The following SPICE1 variants were observed in gnomAD, a reference collection of about 807,000 sequenced individuals.
SPICE1 encodes the protein spindle and centriole associated protein 1.
A neutral mutation model predicts 102.7 loss-of-function variants in SPICE1; 75 were observed. The observed-to-expected ratio is 0.73, with a 90% confidence interval of 0.61 to 0.88. The LOEUF (loss-of-function observed/expected upper bound fraction) is 0.88. Among genes scored for constraint, SPICE1 ranks in the 40% least tolerant of loss-of-function variants. The probability of loss-of-function intolerance (pLI) is 0.00; values close to 1 mark genes in which losing one functional copy is unlikely to be tolerated. For missense variants in SPICE1, 979 were observed against 1,020.1 expected, an observed-to-expected ratio of 0.96 and a Z score of 0.55; for synonymous variants, 308 against 350.3, an observed-to-expected ratio of 0.88 and a Z score of 1.35.
At chr3:113,456,452 T>A (rs1028281148) in intron 13 of SPICE1, among the ~76,000 whole-genome samples, 2 of 152,032 alleles carry the variant, frequency 1.3e-5, no homozygotes, top group Non-Finnish European at 2.9e-5. Flanking sequence ...ATAAAAACAA[T>A]AGCTCCAGAA....
intron 11 of SPICE1, 114 bp downstream of exon 11, chr3:113,465,539 A>C: frequency 1.2e-6 from 1 of 836,596 alleles, no homozygotes; most frequent in South Asian, 2.0e-5. Context: ...AAAATGACTG[A>C]TAAGTAATCA....
chr3:113,478,704 A>G (rs1936420076), intron 7 of SPICE1, among the ~76,000 whole-genome samples: 1 of 152,198 alleles, frequency 6.6e-6, no homozygotes, highest in African/African-American at 2.4e-5. Flanking sequence ...GGCAAAAATA[A>G]GTAAGGATAC....
intron 12 of SPICE1, chr3:113,459,457 A>C (rs2107454015): frequency 1.0e-6 from 1 of 963,786 alleles, no homozygotes; most frequent in Non-Finnish European, 1.2e-6. Flanking sequence ...AAAACAAAAC[A>C]AAAAAAAACA....
At chr3:113,446,931 T>A (rs1326779460) in intron 16 of SPICE1, among the ~76,000 whole-genome samples, 1 of 152,154 alleles carries the variant, frequency 6.6e-6, no homozygotes, top group East Asian at 1.9e-4. Context: ...AATTCGCCCA[T>A]GTTGTGGGAG....
At position 113,499,549 on chromosome 3, in the gene SPICE1, T is replaced by C. The variant is rs139283931; in HGVS notation, c.181A>G (p.Arg61Gly). 127 of 1,611,738 alleles carry C rather than the reference T, an allele frequency of 7.9e-5. 2 individuals are homozygous for C. Among genetic ancestry groups the C allele is most frequent in the East Asian group, 3.3e-4 (15 of 44,812 alleles). ...TGGAGTTCCCAGTGTACTAATGCTCTATTCTTCGATTTGTGTATTTCATGA... is the reference window on the plus strand; with the variant it reads ...TGGAGTTCCCAGTGTACTAATGCTCCATTCTTCGATTTGTGTATTTCATGA... ...RRHEIHKSKN[R>G]ALVHWELQEK... is the part of the protein sequence containing the mutation. Residue 61 changes from arginine (R) to glycine (G), a missense_variant, in exon 4 of 18, where the codon AGA becomes GGA. Arg to Gly is a moderately radical substitution (Grantham distance 125). Transcript: ENST00000295872.
chr3:113,494,175 C>A (rs996207022), intron 4 of SPICE1, 33 bp from the exon 5 acceptor site: 5 of 1,405,834 alleles, frequency 3.6e-6, no homozygotes, highest in Non-Finnish European at 5.0e-6. Context: ...TATTATTATT[C>A]AGATTATATT....
intron 12 of SPICE1, among the ~76,000 whole-genome samples, chr3:113,459,140 T>C (rs752098607): frequency 1.3e-4 from 20 of 152,122 alleles, no homozygotes; most frequent in Non-Finnish European, 7.4e-5. Flanking sequence ...CTCTCTGAAA[T>C]ACGTGCTGTG....
intron 12 of SPICE1, 48 bp downstream of exon 12, chr3:113,460,569 G>A (rs775972657): frequency 6.4e-7 from 1 of 1,551,386 alleles, no homozygotes; most frequent in Non-Finnish European, 8.7e-7. Context: ...GTTATCTAAG[G>A]CCATTAAGTA....
At chr3:113,461,950 C>T (rs1201093177) in intron 11 of SPICE1, among the ~76,000 whole-genome samples, 1 of 152,140 alleles carries the variant, frequency 6.6e-6, no homozygotes, top group East Asian at 1.9e-4. Context: ...CTGAAATAGA[C>T]TTCTCAAACT....
chr3:113,460,227 A>G (rs16861014), intron 12 of SPICE1: 37,012 of 985,076 alleles, frequency 0.038, 789 homozygotes, highest in East Asian at 0.11. Flanking sequence ...TCTCTTCTAA[A>G]TCTAGAGCAC....
chr3:113,474,645 C>T (rs976552051), intron 7 of SPICE1, among the ~76,000 whole-genome samples: 5 of 152,044 alleles, frequency 3.3e-5, no homozygotes, highest in African/African-American at 4.8e-5. Context: ...CACTCAAAAC[C>T]GCTCAACTAC....
chr3:113,461,723 G>A (rs1935937864), intron 11 of SPICE1, among the ~76,000 whole-genome samples: 1 of 152,186 alleles, frequency 6.6e-6, no homozygotes, highest in Admixed American at 6.5e-5. Context: ...AAAGATGGCA[G>A]CTAGTAACAA....
Position 113,458,676 on chromosome 3 carries a change from G to A in SPICE1, c.1436-1319C>T, listed in dbSNP as rs1482180000. On this transcript the variant is annotated intron_variant, in intron 12 of 17. Transcript: ENST00000295872. ...GAGCGTCTCTGCCTGGCCGCCCGTC[G>A]TCTGGGATGTAAGGAGCCCCTCTGC... 1.2e-4 allele frequency among the ~76,000 whole-genome samples: 18 copies of A among 150,692 alleles called. No homozygotes were observed. In the South Asian group the frequency reaches 1.7e-3, roughly 14 times the overall value.
chr3:113,503,323 A>T (rs1937045620), intron 2 of SPICE1, 96 bp from the exon 3 acceptor site: 1 of 1,203,396 alleles, frequency 8.3e-7, no homozygotes, highest in Non-Finnish European at 1.1e-6. Context: ...TGGTTTCAAA[A>T]TCCTAGGACC....
Position 113,457,178 on chromosome 3 carries a change from G to T in SPICE1, c.1615C>A (p.Pro539Thr), listed in dbSNP as rs374113373. ...IFEPAVLLTP[P>T]RQKSNLKFSP... The stretch of plus-strand genomic sequence containing the variant: ...AATTTTAAGTTGCTCTTCTGCCTGG[G>T]TGGTGTTAACAACACAGCTGGCTCA... Residue 539 changes from proline (P) to threonine (T), a missense_variant, in exon 13 of 18, where the codon CCC becomes ACC. Physicochemically the swap from Pro to Thr is conservative, Grantham distance 38. Transcript: ENST00000295872. 2 of 1,614,162 alleles carry T rather than the reference G, an allele frequency of 1.2e-6. No individual in the cohort carries two copies. Among genetic ancestry groups the T allele is most frequent in the African/African-American group, 2.7e-5 (2 of 75,040 alleles).
chr3:113,476,626 C>A (rs1185182110), intron 7 of SPICE1, among the ~76,000 whole-genome samples: 3 of 147,826 alleles, frequency 2.0e-5, no homozygotes, highest in Non-Finnish European at 4.5e-5. Context: ...TCAGAAATAA[C>A]GCCGCATATC....
chr3:113,474,382 G>A (rs753003881), intron 7 of SPICE1, among the ~76,000 whole-genome samples: 1 of 152,132 alleles, frequency 6.6e-6, no homozygotes, highest in Non-Finnish European at 1.5e-5. Context: ...AGATCAATGA[G>A]ATAGAAAGTC....
intron 4 of SPICE1, among the ~76,000 whole-genome samples, chr3:113,497,894 G>A (rs1441520120): frequency 2.1e-5 from 3 of 139,784 alleles, no homozygotes; most frequent in Non-Finnish European, 4.6e-5. Context: ...TTTTTTTTTT[G>A]GTTTTGCTGT....
At position 113,480,515 on chromosome 3, in the gene SPICE1, C is replaced by T. The variant is rs572290317; in HGVS notation, c.611+8430G>A. Among the ~76,000 whole-genome samples the T allele has an allele frequency of 4.6e-5, 7 of 152,020 alleles. No homozygotes were observed. The South Asian group carries it at 1.5e-3, about 32-fold the overall frequency. On this transcript the variant is annotated intron_variant, in intron 7 of 17. Transcript: ENST00000295872. The stretch of plus-strand genomic sequence containing the variant: ...ATTAATGAAAATAACACATCATGGC[C>T]AAATAGAATTTACTGCAGAAATGCA...
Sources: gnomAD v4.1 joint callset for allele counts (sites outside exome capture counted in the v4.1 genomes callset) on GRCh38, gnomAD v4.1.1 for gene constraint, MANE v1.5 for transcripts, NCBI Gene and HGNC (gene_info 2026-07-23, HGNC 2026-07-21) for gene names.